The following NOX3 variants were observed in gnomAD, a reference collection of about 807,000 sequenced individuals.
NOX3 encodes the protein NADPH oxidase catalytic subunit-like 3.
In NOX3, 74 loss-of-function variants were observed where a neutral mutation model predicts 76.7. The observed-to-expected ratio is 0.96, with a 90% CI of 0.80 to 1.17. NOX3 has a LOEUF of 1.17. Among genes scored for constraint, NOX3 ranks in the 50% most tolerant of loss-of-function variants. The pLI, the probability that NOX3 is intolerant of heterozygous loss-of-function variation, is 0.00. For synonymous variants in NOX3, 263 were observed against 261.1 expected, an observed-to-expected ratio of 1.01 and a Z score of -0.07; for missense variants, 695 against 703.3, an observed-to-expected ratio of 0.99 and a Z score of 0.13.
chr6:155,420,191 T>G (rs1233040700), intron 10 of NOX3, among the ~76,000 whole-genome samples: 1 of 152,018 alleles, frequency 6.6e-6, no homozygotes, highest in Non-Finnish European at 1.5e-5. Flanking sequence ...GGGAGGTGAT[T>G]GTGAGTCGGG....
chr6:155,430,468 T>C (rs925466834), intron 8 of NOX3, among the ~76,000 whole-genome samples: 1 of 152,000 alleles, frequency 6.6e-6, no homozygotes, highest in African/African-American at 2.4e-5. Flanking sequence ...AAAATGTTAT[T>C]TGTTTGCAAA....
At chr6:155,412,276 C>A (rs570183836) in intron 10 of NOX3, among the ~76,000 whole-genome samples, 7 of 152,180 alleles carry the variant, frequency 4.6e-5, no homozygotes, top group African/African-American at 1.7e-4. Flanking sequence ...ATCCAGTGAT[C>A]AATGTTCTCT....
intron 9 of NOX3, among the ~76,000 whole-genome samples, chr6:155,426,984 C>CGTGTGCGCGTGT (rs1554263747): frequency 2.4e-5 from 1 of 41,906 alleles, no homozygotes; most frequent in Non-Finnish European, 4.5e-5. Context: ...GACACTGTGG[C>CGTGTGCGCGTGT]GTGTGTGTGT....
At chr6:155,439,607 G>A (rs939030218) in intron 6 of NOX3, among the ~76,000 whole-genome samples, 1 of 152,172 alleles carries the variant, frequency 6.6e-6, no homozygotes, top group African/African-American at 2.4e-5. Flanking sequence ...AAATCTTGGT[G>A]TCAAAAATAT....
chr6:155,449,802 C>A (rs1334788235), intron 4 of NOX3, among the ~76,000 whole-genome samples: 2 of 152,134 alleles, frequency 1.3e-5, no homozygotes, highest in African/African-American at 4.8e-5. Flanking sequence ...CTCTATTAAG[C>A]CAGCAGGCTA....
intron 11 of NOX3, among the ~76,000 whole-genome samples, chr6:155,409,266 C>A (rs748279805): frequency 6.6e-6 from 1 of 151,996 alleles, no homozygotes; most frequent in East Asian, 1.9e-4. Flanking sequence ...GGGGAGAGAA[C>A]GAGCAAAGCC....
At chr6:155,446,502 C>A (rs1279159207) in intron 4 of NOX3, among the ~76,000 whole-genome samples, 1 of 152,048 alleles carries the variant, frequency 6.6e-6, no homozygotes, top group Non-Finnish European at 1.5e-5. Flanking sequence ...TCTTCTCATT[C>A]GACAGACCAG....
At chr6:155,446,660 C>T (rs1211974691) in intron 4 of NOX3, among the ~76,000 whole-genome samples, 1 of 152,162 alleles carries the variant, frequency 6.6e-6, no homozygotes, top group Non-Finnish European at 1.5e-5. Context: ...TAATTGAAAA[C>T]TAGTTTTTTC....
intron 6 of NOX3, among the ~76,000 whole-genome samples, chr6:155,439,152 G>C (rs1202582901): frequency 6.6e-6 from 1 of 152,116 alleles, no homozygotes; most frequent in Non-Finnish European, 1.5e-5. Flanking sequence ...GACTGTTGTG[G>C]GGGTCAAGTT....
At chr6:155,397,056 G>T in intron 12 of NOX3, 94 bp from the exon 13 acceptor site, 1 of 1,200,436 alleles carries the variant, frequency 8.3e-7, no homozygotes, top group Admixed American at 2.9e-5. Flanking sequence ...AGTGGTTGTG[G>T]CTTTACTTAT....
intron 9 of NOX3, among the ~76,000 whole-genome samples, chr6:155,424,057 C>T (rs768918810): frequency 3.3e-4 from 50 of 152,072 alleles, no homozygotes; most frequent in Non-Finnish European, 5.3e-4. Flanking sequence ...CCAGTTCCTT[C>T]CCTCTCTCCT....
intron 4 of NOX3, among the ~76,000 whole-genome samples, chr6:155,445,969 A>ATATATGCTATATAT (rs1380551108): frequency 2.1e-5 from 2 of 96,664 alleles, no homozygotes; most frequent in Admixed American, 1.2e-4. Context: ...ATATATATAT[A>ATATATGCTATATAT]ATATATATAT....
At chr6:155,444,313 G>T (rs775283064) in intron 4 of NOX3, among the ~76,000 whole-genome samples, 4 of 152,128 alleles carry the variant, frequency 2.6e-5, no homozygotes, top group Non-Finnish European at 5.9e-5. Flanking sequence ...ATGCCATCCC[G>T]CTCTGTCCCA....
At chr6:155,413,228 G>A (rs1177875165) in intron 10 of NOX3, among the ~76,000 whole-genome samples, 1 of 152,166 alleles carries the variant, frequency 6.6e-6, no homozygotes, top group Non-Finnish European at 1.5e-5. Flanking sequence ...TGCTTAGGTG[G>A]GAAGTGCAGA....
intron 7 of NOX3, among the ~76,000 whole-genome samples, chr6:155,431,840 G>A (rs926770878): frequency 7.9e-5 from 12 of 152,164 alleles, no homozygotes; most frequent in African/African-American, 2.2e-4. Context: ...AAGGTGTTTC[G>A]TAGAGATGTG....
intron 6 of NOX3, among the ~76,000 whole-genome samples, chr6:155,437,377 T>A (rs1776919876): frequency 6.6e-6 from 1 of 152,190 alleles, no homozygotes; most frequent in Non-Finnish European, 1.5e-5. Context: ...TACTCTAGAC[T>A]GAGAAACCTT....
chr6:155,396,703 A>T, intron 13 of NOX3, 106 bp downstream of exon 13: 1 of 767,220 alleles, frequency 1.3e-6, no homozygotes, highest in Non-Finnish European at 2.0e-6. Flanking sequence ...AGAGTTCAGT[A>T]GTTGAGAGTC....
In NOX3 at chr6:155,430,997, A is replaced by G. The variant is rs564817492; in HGVS notation, c.799-62T>C. 1.8e-4 allele frequency: 194 copies of G among 1,080,700 alleles called. 1 individual carries two copies. In the African/African-American group the frequency reaches 2.8e-3, roughly 15 times the overall value. The allele number at this position is 1,080,700 out of a possible 1,614,324, so 66.9% of individuals were successfully genotyped here. ...TGAAAATAGAATCCAAATATTTTCAATTTGAACCAAATCAATATACAACAT... is the reference window on the plus strand; with the variant it reads ...TGAAAATAGAATCCAAATATTTTCAGTTTGAACCAAATCAATATACAACAT... On this transcript the variant is annotated intron_variant, in intron 7 of 13. Transcript: ENST00000159060.
Position 155,414,623 on chromosome 6 carries a change from C to CTTTTTTTTTTT in NOX3, c.1309-3274_1309-3264dup, listed in dbSNP as rs72348061. 1.6e-4 allele frequency among the ~76,000 whole-genome samples: 18 copies of CTTTTTTTTTTT among 113,790 alleles called. 1 individual carries two copies. The highest frequency in any genetic ancestry group is 3.7e-4 in the African/African-American group (11 of 29,966). 74.7% of individuals were successfully genotyped at this position (113,790 alleles called of 152,430 possible). A position where few individuals can be genotyped will look rare whatever the true frequency, so the allele number is the denominator to read the frequency against. ...CACTTTTTTTTCTTTTCTTTTCTTT[C>CTTTTTTTTTTT]TTTTTTTTTTTTTTTTTTTTTTGAG... On this transcript the variant is annotated intron_variant, in intron 10 of 13. Transcript: ENST00000159060.
Sources: allele counts gnomAD v4.1 joint callset (sites outside exome capture counted in the v4.1 genomes callset), GRCh38; gene constraint gnomAD v4.1.1; transcripts MANE v1.5; gene names NCBI Gene and HGNC (gene_info 2026-07-23, HGNC 2026-07-21).